Variants in SLC41A2 observed in about 807,000 individuals in gnomAD.
SLC41A2 encodes solute carrier family 41 member 2.
A neutral mutation model predicts 58.3 loss-of-function variants in SLC41A2; 32 were observed. That is an observed-to-expected ratio of 0.55 (90% CI 0.41 to 0.74). The LOEUF (loss-of-function observed/expected upper bound fraction) is 0.74. Among genes scored for constraint, SLC41A2 ranks in the 30% least tolerant of loss-of-function variants. SLC41A2 has a pLI of 0.00. For synonymous variants in SLC41A2, 190 were observed against 235.0 expected, an observed-to-expected ratio of 0.81 and a Z score of 1.75; for missense variants, 514 against 680.6, an observed-to-expected ratio of 0.76 and a Z score of 2.72.
rs200638182 is a variant in SLC41A2, at chr12:104,801,957, CTTTA to C, written c.*3191_*3194del. The stretch of plus-strand genomic sequence containing the variant: ...GGATAATTATTTCTTAAATTTTATT[CTTTA>C]TTTGAGTTTAAAACAATTCGAAGAT... On this transcript the variant is annotated 3_prime_UTR_variant, in exon 11 of 11. Coordinates refer to ENST00000258538, the MANE Select transcript of SLC41A2 (RefSeq NM_001352171.3). 9.0e-4 allele frequency among the ~76,000 whole-genome samples: 136 copies of C among 151,950 alleles called. No homozygotes were observed. In the East Asian group the frequency reaches 0.022, roughly 25 times the overall value.
intron 10 of SLC41A2, among the ~76,000 whole-genome samples, chr12:104,837,069 C>T (rs1456785954): frequency 6.6e-6 from 1 of 152,108 alleles, no homozygotes; most frequent in Non-Finnish European, 1.5e-5. Context: ...ATGCTTGCCA[C>T]CTTAATTATT....
chr12:104,904,073 C>A (rs747882706), intron 3 of SLC41A2, among the ~76,000 whole-genome samples: 92 of 152,194 alleles, frequency 6.0e-4, no homozygotes, highest in Non-Finnish European at 4.1e-4. Flanking sequence ...CAGCAAATAT[C>A]ATTTGCAGCA....
At chr12:104,937,612 G>A (rs1355717022) in intron 1 of SLC41A2, among the ~76,000 whole-genome samples, 1 of 152,166 alleles carries the variant, frequency 6.6e-6, no homozygotes, top group African/African-American at 2.4e-5. Flanking sequence ...ACATTTCTCA[G>A]AATTTATCCC....
intron 6 of SLC41A2, among the ~76,000 whole-genome samples, chr12:104,877,536 A>G (rs1031120939): frequency 6.6e-6 from 1 of 152,224 alleles, no homozygotes; most frequent in Admixed American, 6.5e-5. Context: ...TTATTTTTCA[A>G]AATCATGATC....
chr12:104,868,432 A>G (rs2135536170), intron 6 of SLC41A2, among the ~76,000 whole-genome samples: 1 of 152,310 alleles, frequency 6.6e-6, no homozygotes. Context: ...AGGACATCTG[A>G]AGCTGAAAAA....
chr12:104,844,345 A>G (rs1274684612), intron 10 of SLC41A2, 127 bp downstream of exon 10: 1 of 542,470 alleles, frequency 1.8e-6, no homozygotes, highest in Non-Finnish European at 3.0e-6. Context: ...AAGAAGATCA[A>G]ATCAATATGA....
intron 1 of SLC41A2, among the ~76,000 whole-genome samples, chr12:104,945,121 G>C (rs2047662286): frequency 1.3e-5 from 2 of 150,566 alleles, no homozygotes; most frequent in African/African-American, 4.9e-5. Context: ...AGTGAGCCGA[G>C]ATCACACCAC....
chr12:104,956,914 C>T (rs554956775), intron 1 of SLC41A2, among the ~76,000 whole-genome samples: 3 of 152,220 alleles, frequency 2.0e-5, no homozygotes, highest in African/African-American at 7.2e-5. Context: ...AAGTAACAAG[C>T]CTTGGGGAAG....
intron 1 of SLC41A2, among the ~76,000 whole-genome samples, chr12:104,944,355 ACCTTCGTAAT>A (rs1565921559): frequency 4.0e-4 from 61 of 152,340 alleles, no homozygotes; most frequent in African/African-American, 1.2e-3. Flanking sequence ...TTACTGGGAC[ACCTTCGTAAT>A]GGCACCACCC....
chr12:104,898,365 G>C (rs2045395266), intron 3 of SLC41A2, among the ~76,000 whole-genome samples: 1 of 151,942 alleles, frequency 6.6e-6, no homozygotes. Context: ...CAAGACTTAG[G>C]ATTTATTGGA....
intron 10 of SLC41A2, among the ~76,000 whole-genome samples, chr12:104,807,632 C>A (rs1016733346): frequency 6.6e-6 from 1 of 152,030 alleles, no homozygotes; most frequent in Non-Finnish European, 1.5e-5. Flanking sequence ...GGGGATGGCA[C>A]TGAATCTATA....
rs578122738 is a variant in SLC41A2 at position 104,879,682 on chromosome 12, T to C, written c.1027+6611A>G. Among the ~76,000 whole-genome samples, 22 of 152,358 alleles carry C rather than the reference T, an allele frequency of 1.4e-4. 1 individual carries two copies. Among genetic ancestry groups the C allele is most frequent in the Non-Finnish European group, 2.5e-4 (17 of 68,032 alleles). ...CTCTGTTTTGGTACAAGTACTATGCTGTTTTGGTTACTTTAGCCTTGTAGT... is the reference window on the plus strand; with the variant it reads ...CTCTGTTTTGGTACAAGTACTATGCCGTTTTGGTTACTTTAGCCTTGTAGT... On this transcript the variant is annotated intron_variant, in intron 6 of 10. Coordinates refer to ENST00000258538, the MANE Select transcript of SLC41A2 (RefSeq NM_001352171.3).
At chr12:104,856,310 A>T (rs2043018787) in intron 8 of SLC41A2, among the ~76,000 whole-genome samples, 1 of 152,250 alleles carries the variant, frequency 6.6e-6, no homozygotes, top group South Asian at 2.1e-4. Flanking sequence ...AATTGCAAAA[A>T]GGGTATAGTA....
At position 104,803,742 on chromosome 12, in the gene SLC41A2, ATTAT is replaced by A. The variant is rs1178175140; in HGVS notation, c.*1406_*1409del. 6.6e-6 allele frequency: 1 copy of A among 152,170 alleles called. No individual in the cohort carries two copies. The highest frequency in any genetic ancestry group is 1.5e-5 in the Non-Finnish European group (1 of 68,026). 9.4% of individuals were successfully genotyped at this position (152,170 alleles called of 1,614,324 possible). ...GAATATAGGCCAGAGTTTTAGAAAA[ATTAT>A]TTGAGAAATATAGTATATATGATTG... is the stretch of plus-strand genomic sequence containing the variant. On this transcript the variant is annotated 3_prime_UTR_variant, in exon 11 of 11. Transcript: ENST00000258538.
intron 1 of SLC41A2, among the ~76,000 whole-genome samples, chr12:104,940,562 G>T (rs2047469885): frequency 6.8e-6 from 1 of 146,794 alleles, no homozygotes; most frequent in Non-Finnish European, 1.5e-5. Flanking sequence ...CTCTAAAATG[G>T]AATGAAAGTA....
At chr12:104,937,724 G>A (rs995461006) in intron 1 of SLC41A2, among the ~76,000 whole-genome samples, 2 of 152,162 alleles carry the variant, frequency 1.3e-5, no homozygotes, top group African/African-American at 2.4e-5. Context: ...CATCAACTGG[G>A]AGACTAAGAA....
intron 1 of SLC41A2, among the ~76,000 whole-genome samples, chr12:104,940,352 G>GGGGGGA: frequency 7.1e-5 from 1 of 14,162 alleles, no homozygotes; most frequent in East Asian, 2.0e-3. Context: ...AGGCTCACCT[G>GGGGGGA]GGGGGGAGGG....
intron 2 of SLC41A2, among the ~76,000 whole-genome samples, chr12:104,921,398 T>C (rs1279022714): frequency 6.6e-6 from 1 of 150,962 alleles, no homozygotes; most frequent in African/African-American, 2.4e-5. Flanking sequence ...AGAAATAACA[T>C]GTGAAGGAGC....
intron 10 of SLC41A2, among the ~76,000 whole-genome samples, chr12:104,810,867 A>G (rs2041143906): frequency 6.6e-6 from 1 of 152,200 alleles, no homozygotes; most frequent in Admixed American, 6.6e-5. Flanking sequence ...TCAAATTCAC[A>G]GAGTCCAACA....
Sources: gnomAD v4.1 joint callset for allele counts (sites outside exome capture counted in the v4.1 genomes callset) on GRCh38, gnomAD v4.1.1 for gene constraint, MANE v1.5 for transcripts, NCBI Gene and HGNC (gene_info 2026-07-23, HGNC 2026-07-21) for gene names.